Variants in SCP2 observed in about 807,000 individuals in gnomAD.
The protein encoded by SCP2 is SCP-2/3-oxoacyl-CoA thiolase.
SCP2 carries 48 observed loss-of-function variants against 71.4 expected under a neutral mutation model. That is an observed-to-expected ratio of 0.67 (90% CI 0.53 to 0.86). The LOEUF (loss-of-function observed/expected upper bound fraction) is 0.86, where lower values mean the gene tolerates loss of function less well. Among genes scored for constraint, SCP2 ranks in the 40% least tolerant of loss-of-function variants. The pLI, the probability that SCP2 is intolerant of heterozygous loss-of-function variation, is 0.00. For synonymous variants in SCP2, 220 were observed against 218.1 expected, an observed-to-expected ratio of 1.01 and a Z score of -0.08; for missense variants, 560 against 655.6, an observed-to-expected ratio of 0.85 and a Z score of 1.59.
intron 14 of SCP2, among the ~76,000 whole-genome samples, chr1:53,044,981 A>C (rs564365630): frequency 2.0e-5 from 3 of 152,354 alleles, no homozygotes; most frequent in Admixed American, 2.0e-4. Flanking sequence ...GAACTACCCT[A>C]CCAAAATTCC....
intron 6 of SCP2, among the ~76,000 whole-genome samples, chr1:52,966,480 A>G (rs1656965490): frequency 6.6e-6 from 1 of 152,074 alleles, no homozygotes; most frequent in African/African-American, 2.4e-5. Flanking sequence ...TGTTTTTAAC[A>G]TGGAATTAGG....
At chr1:52,949,406 A>C (rs1572068741) in intron 3 of SCP2, among the ~76,000 whole-genome samples, 2 of 152,306 alleles carry the variant, frequency 1.3e-5, no homozygotes, top group East Asian at 3.9e-4. Context: ...CCATAAAGAA[A>C]TAGCACTTGA....
chr1:53,047,659 G>A (rs542632228), intron 14 of SCP2, among the ~76,000 whole-genome samples, 199 bp from the exon 15 acceptor site: 8 of 151,896 alleles, frequency 5.3e-5, no homozygotes, highest in East Asian at 1.9e-4. Context: ...AATCAATTCC[G>A]TCTTGTTAAA....
chr1:53,001,878 G>T (rs1660338059), intron 11 of SCP2, among the ~76,000 whole-genome samples: 1 of 151,900 alleles, frequency 6.6e-6, no homozygotes, highest in African/African-American at 2.4e-5. Context: ...TTATTTATAG[G>T]CTTTAAAAAA....
intron 1 of SCP2, among the ~76,000 whole-genome samples, chr1:52,936,195 T>C (rs1160486679): frequency 6.6e-6 from 1 of 152,264 alleles, no homozygotes; most frequent in Non-Finnish European, 1.5e-5. Context: ...TAACATGTAA[T>C]GGATTTATTG....
At chr1:53,045,559 A>T (rs1170610053) in intron 14 of SCP2, among the ~76,000 whole-genome samples, 1 of 152,132 alleles carries the variant, frequency 6.6e-6, no homozygotes, top group Non-Finnish European at 1.5e-5. Context: ...CTGGACACGC[A>T]CCCAGGGCTA....
chr1:52,940,386 C>T (rs1406239627), intron 1 of SCP2: 1 of 154,748 alleles, frequency 6.5e-6, no homozygotes, highest in Non-Finnish European at 1.5e-5. Context: ...GCACTCCAGC[C>T]TGAGTGACAG....
At chr1:52,948,158 G>A (rs1309182129) in intron 3 of SCP2, 78 bp downstream of exon 3, 5 of 911,244 alleles carry the variant, frequency 5.5e-6, no homozygotes, top group Non-Finnish European at 9.2e-6. Flanking sequence ...GGAGGCATTT[G>A]TGAATTTTAA....
At chr1:52,948,947 A>ATTTTT (rs35066602) in intron 3 of SCP2, among the ~76,000 whole-genome samples, 3 of 146,416 alleles carry the variant, frequency 2.0e-5, no homozygotes, top group Non-Finnish European at 4.5e-5. Context: ...CCCCAACAAC[A>ATTTTT]TTTTTTTTTT....
At chr1:52,956,981 C>T (rs530615225) in intron 5 of SCP2, among the ~76,000 whole-genome samples, 1 of 143,208 alleles carries the variant, frequency 7.0e-6, no homozygotes, top group South Asian at 2.2e-4. Flanking sequence ...GCAATCTTGG[C>T]TCACTGCAAC....
At chr1:52,938,873 G>T (rs970255306) in intron 1 of SCP2, among the ~76,000 whole-genome samples, 3 of 152,148 alleles carry the variant, frequency 2.0e-5, no homozygotes, top group African/African-American at 7.2e-5. Context: ...TGAAAAATGT[G>T]TAATGACATG....
At position 52,978,229 on chromosome 1, in the gene SCP2, T is replaced by C. The variant is rs80033039; in HGVS notation, c.687T>C (p.Asp229=). 3.6e-3 allele frequency: 5,740 copies of C among 1,613,792 alleles called. 20 individuals carry two copies. Among genetic ancestry groups the C allele is most frequent in the Middle Eastern group, 0.013 (73 of 5,790 alleles). The change falls in exon 9 of 16, where the codon GAT becomes GAC. Residue 229 remains aspartate (D), a synonymous_variant. Coordinates refer to ENST00000371514, the MANE Select transcript of SCP2 (RefSeq NM_002979.5). ...LTILQCCPTS[D]GAAAAILASE... ...TACTTCCTCTTAGTCCCACTTCAGATGGTGCTGCAGCAGCAATTTTGGCCA... is the reference window on the plus strand; with the variant it reads ...TACTTCCTCTTAGTCCCACTTCAGACGGTGCTGCAGCAGCAATTTTGGCCA...
At chr1:52,965,905 C>T (rs545731212) in intron 6 of SCP2, among the ~76,000 whole-genome samples, 132 of 152,040 alleles carry the variant, frequency 8.7e-4, no homozygotes, top group South Asian at 4.0e-3. Flanking sequence ...CTCAGCATCC[C>T]GAAGTGCTGG....
chr1:53,030,815 G>T (rs747349905), intron 13 of SCP2, among the ~76,000 whole-genome samples: 7 of 150,806 alleles, frequency 4.6e-5, no homozygotes, highest in Non-Finnish European at 1.0e-4. Flanking sequence ...CAGGAGAATC[G>T]CTTGAACCTG....
chr1:52,978,728 A>G lies in SCP2; in HGVS notation c.825+361A>G, dbSNP rs1329972012. 1.3e-4 allele frequency among the ~76,000 whole-genome samples: 20 copies of G among 152,008 alleles called. 1 individual carries two copies. The highest frequency in any genetic ancestry group is 1.8e-4 in the Non-Finnish European group (12 of 67,990). On this transcript the variant is annotated intron_variant, in intron 9 of 15. Coordinates refer to ENST00000371514, the MANE Select transcript of SCP2 (RefSeq NM_002979.5). ...CAGGCACATGCCACGACTGCCGGCT[A>G]ATGTTTGTATTTTTTGTAGAGACAC...
intron 11 of SCP2, among the ~76,000 whole-genome samples, chr1:52,991,337 A>G (rs1572152634): frequency 6.6e-6 from 1 of 152,220 alleles, no homozygotes; most frequent in East Asian, 1.9e-4. Flanking sequence ...GCCATGATGG[A>G]TCTGCTTAAC....
At chr1:52,930,436 C>T (rs1043702775) in intron 1 of SCP2, among the ~76,000 whole-genome samples, 20 of 151,912 alleles carry the variant, frequency 1.3e-4, no homozygotes, top group Non-Finnish European at 2.5e-4. Flanking sequence ...ACAGCCTGGG[C>T]GATATTGGCA....
chr1:52,980,076 C>T (rs1021704012), intron 9 of SCP2, among the ~76,000 whole-genome samples: 4 of 151,974 alleles, frequency 2.6e-5, no homozygotes, highest in Non-Finnish European at 5.9e-5. Context: ...TGTGCTCAAA[C>T]GATCCTCCCA....
chr1:52,995,943 C>T, intron 11 of SCP2: 2 of 1,469,598 alleles, frequency 1.4e-6, no homozygotes, highest in Non-Finnish European at 1.8e-6. Context: ...CATGAACGAC[C>T]TCGTCTCTGA....
Sources: gnomAD v4.1 joint callset for allele counts (sites outside exome capture counted in the v4.1 genomes callset) on GRCh38, gnomAD v4.1.1 for gene constraint, MANE v1.5 for transcripts, NCBI Gene and HGNC (gene_info 2026-07-23, HGNC 2026-07-21) for gene names.